RIMS2: variants seen among roughly 807,000 people sequenced by gnomAD.
The protein encoded by RIMS2 is regulating synaptic membrane exocytosis protein 2.
A neutral mutation model predicts 174.4 loss-of-function variants in RIMS2; 59 were observed. That is an observed-to-expected ratio of 0.34 (90% confidence interval 0.27 to 0.42). RIMS2 has a LOEUF of 0.42. Ranked by LOEUF, RIMS2 falls within the 10% of genes least tolerant of loss-of-function variation. RIMS2 has a pLI of 1.00. For synonymous variants in RIMS2, 606 were observed against 572.5 expected, an observed-to-expected ratio of 1.06 and a Z score of -0.84; for missense variants, 1,620 against 1,666.3, an observed-to-expected ratio of 0.97 and a Z score of 0.48.
intron 3 of RIMS2, among the ~76,000 whole-genome samples, chr8:103,776,634 C>T (rs1440115621): frequency 6.6e-6 from 1 of 151,994 alleles, no homozygotes; most frequent in African/African-American, 2.4e-5. Context: ...CATTTTTACT[C>T]ATGAATGTGT....
chr8:103,736,997 T>C (rs2139153029), intron 2 of RIMS2, among the ~76,000 whole-genome samples: 1 of 152,192 alleles, frequency 6.6e-6, no homozygotes, highest in African/African-American at 2.4e-5. Context: ...AGATGGGCTT[T>C]AAATATAATC....
At chr8:103,886,152 A>G in exon 4 of RIMS2, 2 of 1,612,884 alleles carry the variant, frequency 1.2e-6, no homozygotes, top group Non-Finnish European at 1.7e-6. Flanking sequence ...TCAGAGGAGG[A>G]ATTGGCTTCC....
chr8:103,525,868 C>T (rs1227905434), intron 1 of RIMS2, among the ~76,000 whole-genome samples: 1 of 152,142 alleles, frequency 6.6e-6, no homozygotes, highest in East Asian at 1.9e-4. Context: ...TTTGGACTAA[C>T]TCTTCCACTG....
intron 15 of RIMS2, among the ~76,000 whole-genome samples, chr8:103,967,170 G>GT (rs71575988): frequency 0.041 from 1,014 of 24,950 alleles, 335 homozygotes; most frequent in African/African-American, 0.075. Flanking sequence ...ATCTGTTCTT[G>GT]TTTTTTTTTT....
exon 14 of RIMS2, chr8:103,942,877 T>C: frequency 6.2e-7 from 1 of 1,613,706 alleles, no homozygotes; most frequent in South Asian, 1.1e-5. Context: ...CTTCTCCATA[T>C]ATGCCACGAA....
intron 3 of RIMS2, among the ~76,000 whole-genome samples, chr8:103,793,451 C>A (rs1453914498): frequency 2.6e-5 from 4 of 151,956 alleles, no homozygotes; most frequent in Non-Finnish European, 5.9e-5. Flanking sequence ...AGAGCTGTTT[C>A]TGACAAACCC....
chr8:103,931,167 T>A (rs1271728827), intron 11 of RIMS2, 96 bp from the exon 14 acceptor site: 2 of 880,398 alleles, frequency 2.3e-6, no homozygotes, highest in African/African-American at 3.4e-5. Flanking sequence ...TCTGTGCTAA[T>A]GTTATTGTAA....
At chr8:103,893,153 C>T (rs951872152) in intron 4 of RIMS2, among the ~76,000 whole-genome samples, 1 of 151,950 alleles carries the variant, frequency 6.6e-6, no homozygotes, top group African/African-American at 2.4e-5. Flanking sequence ...TTATTTCTTT[C>T]AGCTAAAATA....
intron 19 of RIMS2, among the ~76,000 whole-genome samples, chr8:104,104,009 G>A (rs1364704468): frequency 1.3e-5 from 2 of 152,256 alleles, no homozygotes; most frequent in Non-Finnish European, 1.5e-5. Context: ...ACTAGAGTAA[G>A]AACCTGAAGA....
At chr8:104,106,297 G>T (rs199559208) in intron 19 of RIMS2, among the ~76,000 whole-genome samples, 2,009 of 151,988 alleles carry the variant, frequency 0.013, 22 homozygotes, top group Middle Eastern at 0.11. Context: ...AATATAGTTA[G>T]TTAGTAACTT....
chr8:104,232,822 G>C (rs934716977), intron 19 of RIMS2, among the ~76,000 whole-genome samples: 1 of 152,142 alleles, frequency 6.6e-6, no homozygotes, highest in Non-Finnish European at 1.5e-5. Context: ...TGCAAAGCAG[G>C]CTAGAAAAGT....
chr8:103,626,971 A>G (rs914434451), intron 1 of RIMS2, among the ~76,000 whole-genome samples: 2 of 152,194 alleles, frequency 1.3e-5, no homozygotes, highest in African/African-American at 2.4e-5. Context: ...ACATCTTAAC[A>G]GGAAACAGGG....
intron 2 of RIMS2, among the ~76,000 whole-genome samples, chr8:103,707,603 G>A (rs2097249447): frequency 6.6e-6 from 1 of 152,166 alleles, no homozygotes; most frequent in African/African-American, 2.4e-5. Context: ...TTTTCCCCAA[G>A]TGAAAGGGGT....
intron 14 of RIMS2, among the ~76,000 whole-genome samples, chr8:103,958,349 A>G (rs189454457): frequency 1.3e-5 from 2 of 152,320 alleles, no homozygotes; most frequent in Admixed American, 1.3e-4. Context: ...TGGGAGCTAA[A>G]TAAAGAAAAC....
At chr8:103,592,746 A>G (rs1333163421) in intron 1 of RIMS2, among the ~76,000 whole-genome samples, 1 of 151,428 alleles carries the variant, frequency 6.6e-6, no homozygotes, top group Non-Finnish European at 1.5e-5. Flanking sequence ...TTAGCATTAA[A>G]CTTTTTTTAG....
At chr8:103,991,156 A>G (rs1436796938) in intron 17 of RIMS2, among the ~76,000 whole-genome samples, 1 of 151,680 alleles carries the variant, frequency 6.6e-6, no homozygotes, top group Non-Finnish European at 1.5e-5. Flanking sequence ...TATTTAAAAA[A>G]TTTATAAATC....
At chr8:104,085,649 C>T (rs1470058283) in intron 19 of RIMS2, among the ~76,000 whole-genome samples, 3 of 152,094 alleles carry the variant, frequency 2.0e-5, no homozygotes, top group Admixed American at 6.6e-5. Context: ...ATTCATAACC[C>T]CCGATAGCTA....
chr8:103,654,877 G>C (rs1456219532), intron 1 of RIMS2, among the ~76,000 whole-genome samples: 1 of 151,826 alleles, frequency 6.6e-6, no homozygotes, highest in East Asian at 1.9e-4. Context: ...TTTCATAGTA[G>C]AATAACGAAA....
chr8:104,133,026 C>T (rs1176331224), intron 19 of RIMS2, among the ~76,000 whole-genome samples: 12 of 152,144 alleles, frequency 7.9e-5, no homozygotes, highest in African/African-American at 1.9e-4. Context: ...AAGGGGAATT[C>T]GTATTCATCT....
Sources: gnomAD v4.1 joint callset for allele counts (sites outside exome capture counted in the v4.1 genomes callset) on GRCh38, gnomAD v4.1.1 for gene constraint, MANE v1.5 for transcripts, NCBI Gene and HGNC (gene_info 2026-07-23, HGNC 2026-07-21) for gene names.